The following ADCY3 variants were observed in gnomAD, a reference collection of about 807,000 sequenced individuals.
ADCY3 encodes the protein adenylate cyclase 3.
In ADCY3, 70 loss-of-function variants were observed where a neutral mutation model predicts 119.4. That is an observed-to-expected ratio of 0.59 (90% CI 0.48 to 0.72). The LOEUF is 0.72. ADCY3 is among the 30% of genes least tolerant of loss of function. ADCY3 has a pLI of 0.00. For synonymous variants in ADCY3, 672 were observed against 621.4 expected, an observed-to-expected ratio of 1.08 and a Z score of -1.21; for missense variants, 1,238 against 1,541.6, an observed-to-expected ratio of 0.80 and a Z score of 3.30.
rs1177600247 is a variant in ADCY3 at position 24,842,896 on chromosome 2, G to A, written c.826-512C>T. ...CTCAGAGAGCGGAGGGTCTCACGGG[G>A]ACACAGGTAACCATGCCCAGCACAG... On this transcript the variant is annotated intron_variant, in intron 3 of 21. Transcript: ENST00000679454. This position sits in a 1 kb window ranked among gnomAD's most constrained non-coding sequence, Gnocchi z 4.9. 6.6e-6 allele frequency among the ~76,000 whole-genome samples: 1 copy of A among 152,212 alleles called. No individual in the cohort carries two copies. Among genetic ancestry groups the A allele is most frequent in the Non-Finnish European group, 1.5e-5 (1 of 68,036 alleles).
intron 15 of ADCY3, 156 bp from the exon 16 acceptor site, chr2:24,826,282 G>GC: frequency 1.5e-6 from 1 of 647,702 alleles, no homozygotes; most frequent in South Asian, 2.1e-5. Context: ...GCTCCCCCGG[G>GC]CAGTAAAATT....
chr2:24,918,628 G>C lies in ADCY3; in HGVS notation c.360C>G (p.Ile120Met). The part of the protein sequence containing the change: ...VAGIGLVLDI[I>M]LFVLCKKGLL... ...GCCCCTTTTTGCAGAGCACGAAGAGGATGATGTCCAACACCAGTCCAATTC... is the reference window on the plus strand; with the variant it reads ...GCCCCTTTTTGCAGAGCACGAAGAGCATGATGTCCAACACCAGTCCAATTC... Residue 120 changes from isoleucine (I) to methionine (M), a missense_variant, in exon 2 of 22, where the codon ATC becomes ATG. By Grantham distance (10) the Ile-to-Met change is conservative (BLOSUM62 1). Around this residue, in one of 7 missense-constraint regions of ADCY3, gnomAD observed 227 missense variants for 249.3 expected, o/e 0.91. Transcript: ENST00000679454. The surrounding 1 kb of genome is among the most constrained non-coding windows in gnomAD (Gnocchi z 5.4). 1 of 1,614,162 alleles carries C rather than the reference G, an allele frequency of 6.2e-7. No homozygotes were observed. Among genetic ancestry groups the C allele is most frequent in the Non-Finnish European group, 8.5e-7 (1 of 1,180,034 alleles).
At chr2:24,893,031 C>G (rs1304233529) in intron 2 of ADCY3, among the ~76,000 whole-genome samples, 1 of 122,898 alleles carries the variant, frequency 8.1e-6, no homozygotes, top group Non-Finnish European at 1.7e-5. Context: ...ATCTATGTGT[C>G]TTTTTTTTTT....
intron 19 of ADCY3, 107 bp downstream of exon 19, chr2:24,822,404 G>T: frequency 6.8e-7 from 1 of 1,476,960 alleles, no homozygotes; most frequent in Non-Finnish European, 9.2e-7. Context: ...GTGTGTGTCT[G>T]GGACCACTTT....
At chr2:24,857,589 C>CAT (rs1572905499) in intron 3 of ADCY3, among the ~76,000 whole-genome samples, 1 of 152,282 alleles carries the variant, frequency 6.6e-6, no homozygotes, top group East Asian at 1.9e-4. Flanking sequence ...AAGTGGCTAC[C>CAT]ATACTGCTAC....
At chr2:24,910,789 G>T (rs1251189353) in intron 2 of ADCY3, among the ~76,000 whole-genome samples, 2 of 151,560 alleles carry the variant, frequency 1.3e-5, no homozygotes, top group Non-Finnish European at 2.9e-5. Flanking sequence ...TGGGACTACA[G>T]GCGTGCATCA....
chr2:24,917,205 A>G (rs1382470178), intron 2 of ADCY3, among the ~76,000 whole-genome samples: 10 of 152,176 alleles, frequency 6.6e-5, no homozygotes, highest in Admixed American at 6.5e-4. Context: ...CTAGAGGCTC[A>G]CGTCAGTCAG....
intron 3 of ADCY3, among the ~76,000 whole-genome samples, chr2:24,861,840 G>A (rs937273472): frequency 2.6e-5 from 4 of 152,232 alleles, no homozygotes; most frequent in Non-Finnish European, 5.9e-5. Flanking sequence ...TGCCTCCCCA[G>A]GGGCTGGGGG....
intron 3 of ADCY3, among the ~76,000 whole-genome samples, chr2:24,866,851 T>C (rs1197634181): frequency 1.3e-5 from 2 of 152,066 alleles, no homozygotes; most frequent in African/African-American, 4.8e-5. Context: ...GAAGACAGGA[T>C]TAGTAAACTG....
intron 3 of ADCY3, among the ~76,000 whole-genome samples, chr2:24,868,140 A>T (rs1674523254): frequency 6.6e-6 from 1 of 152,234 alleles, no homozygotes; most frequent in Non-Finnish European, 1.5e-5. Context: ...CTCTGACCAG[A>T]ATAAAGATAA....
chr2:24,834,690 C>T lies in ADCY3; in HGVS notation c.1806-44G>A. On this transcript the variant is annotated intron_variant, in intron 10 of 21. Coordinates refer to ENST00000679454, the MANE Select transcript of ADCY3 (RefSeq NM_004036.5). This position sits in a 1 kb window ranked among gnomAD's most constrained non-coding sequence, Gnocchi z 4.2. ...CCATGAATCCCAAATGCCACATCTG[C>T]CTTGGCCTAGCAGGGGGGCCGTATT... is the stretch of plus-strand genomic sequence containing the variant. 1 of 1,606,658 alleles carries T rather than the reference C, an allele frequency of 6.2e-7. No individual in the cohort carries two copies. Among genetic ancestry groups the T allele is most frequent in the Non-Finnish European group, 8.5e-7 (1 of 1,174,058 alleles).
intron 2 of ADCY3, among the ~76,000 whole-genome samples, chr2:24,903,472 G>A (rs1052472954): frequency 1.3e-5 from 2 of 151,996 alleles, no homozygotes; most frequent in African/African-American, 2.4e-5. Context: ...TGCGCTTCCC[G>A]GGGGGAGCCT....
In ADCY3 at chr2:24,820,770, T is replaced by C; in HGVS notation, c.3206A>G (p.Asn1069Ser). The part of the protein sequence containing the change: ...PHYDIWGNTV[N>S]VASRMESTGV... ...CGTGGACTCCATCCTGCTGGCTACA[T>C]TGACTGTATTGCCCCAGATGTCGTA... The change falls in exon 21 of 22, where the codon AAT becomes AGT. Residue 1069 changes from asparagine (N) to serine (S), a missense_variant. Coordinates refer to ENST00000679454, the MANE Select transcript of ADCY3 (RefSeq NM_004036.5). 1.2e-6 allele frequency: 2 copies of C among 1,614,106 alleles called. No homozygotes were observed. Among genetic ancestry groups the C allele is most frequent in the Non-Finnish European group, 1.7e-6 (2 of 1,180,008 alleles).
chr2:24,883,660 G>A (rs1676680010), intron 2 of ADCY3, among the ~76,000 whole-genome samples: 1 of 152,206 alleles, frequency 6.6e-6, no homozygotes, highest in South Asian at 2.1e-4. Context: ...TTATCACACA[G>A]ATCACCTGAC....
chr2:24,841,660 AGAG>A lies in ADCY3; in HGVS notation c.961_963del (p.Leu321del). The A allele has an allele frequency of 6.2e-7, 1 of 1,613,412 alleles. No homozygotes were observed. The highest frequency in any genetic ancestry group is 8.5e-7 in the Non-Finnish European group (1 of 1,179,850). The stretch of plus-strand genomic sequence containing the variant: ...TGGGTAAAGCCCACGATGTCGGCAA[AGAG>A]GATGCTGCATGAGGAAGGAACCGTG... On this transcript the variant is annotated inframe_deletion, in exon 5 of 22. Transcript: ENST00000679454. The surrounding 1 kb of genome is among the most constrained non-coding windows in gnomAD (Gnocchi z 5.8).
At chr2:24,882,924 T>C (rs1676569692) in intron 2 of ADCY3, among the ~76,000 whole-genome samples, 1 of 151,072 alleles carries the variant, frequency 6.6e-6, no homozygotes, top group Non-Finnish European at 1.5e-5. Context: ...GGGTATATGG[T>C]GGCACATGCC....
intron 2 of ADCY3, among the ~76,000 whole-genome samples, chr2:24,882,362 G>T (rs934104302): frequency 6.6e-6 from 1 of 152,162 alleles, no homozygotes; most frequent in Non-Finnish European, 1.5e-5. Context: ...TTAAAGTAGG[G>T]CAGAAATCAC....
chr2:24,877,743 C>G (rs769550965), intron 2 of ADCY3, among the ~76,000 whole-genome samples: 1 of 152,218 alleles, frequency 6.6e-6, no homozygotes, highest in Non-Finnish European at 1.5e-5. Flanking sequence ...TCCCAGGGCT[C>G]CCGCTCAAAG....
chr2:24,856,609 G>A (rs73923445), intron 3 of ADCY3, among the ~76,000 whole-genome samples: 6,991 of 152,256 alleles, frequency 0.046, 521 homozygotes, highest in African/African-American at 0.16. Context: ...CACCTCTCCC[G>A]GATGAGGGGA....
Sources: allele counts gnomAD v4.1 joint callset (sites outside exome capture counted in the v4.1 genomes callset), GRCh38; gene constraint gnomAD v4.1.1; regional missense constraint gnomAD v4.1.1; non-coding constraint Gnocchi (gnomAD v3.1); transcripts MANE v1.5; gene names NCBI Gene and HGNC (gene_info 2026-07-23, HGNC 2026-07-21).